The following MCPH1 variants were observed in gnomAD, a reference collection of about 807,000 sequenced individuals.
MCPH1 encodes microcephalin 1, also known as microcephalin.
A neutral mutation model predicts 84.5 loss-of-function variants in MCPH1; 104 were observed. That is an observed-to-expected ratio of 1.23 (90% CI 1.05 to 1.45). The LOEUF (loss-of-function observed/expected upper bound fraction) is 1.45. Ranked by LOEUF, MCPH1 falls within the 40% of genes most tolerant of loss-of-function variation. The pLI is 0.00. For missense variants in MCPH1, 1,498 were observed against 1,005.7 expected (o/e 1.49, Z -6.62); for synonymous variants, 514 against 366.8 (o/e 1.40, Z -4.58).
At chr8:6,565,463 G>A (rs1215238783) in intron 12 of MCPH1, among the ~76,000 whole-genome samples, 1 of 152,042 alleles carries the variant, frequency 6.6e-6, no homozygotes, top group Non-Finnish European at 1.5e-5. Context: ...TCTCACTCTT[G>A]TTGCCCAGGC....
At position 6,447,372 on chromosome 8, in the gene MCPH1, C is replaced by CT. The variant is rs1804553911; in HGVS notation, c.1825+1828dup. 4.1e-6 allele frequency: 4 copies of CT among 985,366 alleles called. No homozygotes were observed. In the South Asian group the frequency reaches 1.9e-4, roughly 46 times the overall value. The allele number at this position is 985,366 out of a possible 1,614,324, so 61.0% of individuals were successfully genotyped here. A position where few individuals can be genotyped will look rare whatever the true frequency, so the allele number is the denominator to read the frequency against. On this transcript the variant is annotated intron_variant, in intron 8 of 13. Coordinates refer to ENST00000344683, the MANE Select transcript of MCPH1 (RefSeq NM_024596.5). Reference sequence around the variant, plus strand: ...TGTACAGCAAACTGTACCTCCAAATCTTTAATGTCGAAATAAAGGGCTTTT... The same window carrying CT: ...TGTACAGCAAACTGTACCTCCAAATCTTTTAATGTCGAAATAAAGGGCTTTT...
At chr8:6,412,539 A>T (rs2129551262) in intron 2 of MCPH1, among the ~76,000 whole-genome samples, 1 of 152,338 alleles carries the variant, frequency 6.6e-6, no homozygotes, top group African/African-American at 2.4e-5. Context: ...ACCAGACTAC[A>T]GGCCTGTGAG....
At chr8:6,536,531 G>A (rs1004067753) in intron 12 of MCPH1, among the ~76,000 whole-genome samples, 5 of 152,194 alleles carry the variant, frequency 3.3e-5, no homozygotes, top group African/African-American at 7.2e-5. Flanking sequence ...CACCAGAAAA[G>A]CCCAGAATTA....
chr8:6,477,680 T>A, intron 10 of MCPH1, 49 bp downstream of exon 10: 1 of 1,502,800 alleles, frequency 6.7e-7, no homozygotes, highest in Non-Finnish European at 9.3e-7. Context: ...TAACCTTTTC[T>A]CTCTTATACT....
At chr8:6,423,453 C>A (rs1800568617) in intron 3 of MCPH1, among the ~76,000 whole-genome samples, 1 of 152,148 alleles carries the variant, frequency 6.6e-6, no homozygotes, top group African/African-American at 2.4e-5. Context: ...GCATGAGCCC[C>A]TGCGCCCGGC....
rs1173262263 is a variant in MCPH1 at position 6,420,654 on chromosome 8, A to C, written c.233+5771A>C. On this transcript the variant is annotated intron_variant, in intron 3 of 13. Transcript: ENST00000344683. ...TTATCTCAAAATCGATCTCTCATAGATCTTTATCTCTGCTGTTACAGTCGA... is the reference window on the plus strand; with the variant it reads ...TTATCTCAAAATCGATCTCTCATAGCTCTTTATCTCTGCTGTTACAGTCGA... Among the ~76,000 whole-genome samples, 3 of 152,156 alleles carry C rather than the reference A, an allele frequency of 2.0e-5. No homozygotes were observed. In the East Asian group the frequency reaches 5.8e-4, roughly 29 times the overall value.
intron 3 of MCPH1, among the ~76,000 whole-genome samples, chr8:6,422,758 G>A (rs1161187219): frequency 5.3e-5 from 8 of 152,066 alleles, no homozygotes; most frequent in South Asian, 2.1e-4. Context: ...GTGCGATCTC[G>A]GCTTACTGCA....
chr8:6,412,424 A>G (rs932470816), intron 2 of MCPH1, among the ~76,000 whole-genome samples: 1 of 152,254 alleles, frequency 6.6e-6, no homozygotes. Flanking sequence ...TTCAAAGAAT[A>G]GTGAATACAG....
chr8:6,476,960 G>A (rs73661773), intron 9 of MCPH1, among the ~76,000 whole-genome samples: 1,765 of 152,082 alleles, frequency 0.012, 37 homozygotes, highest in African/African-American at 0.041. Flanking sequence ...GGAATTACAG[G>A]AAAATTTGTG....
intron 6 of MCPH1, among the ~76,000 whole-genome samples, chr8:6,440,328 G>A (rs1256249309): frequency 1.3e-5 from 2 of 152,068 alleles, no homozygotes; most frequent in Admixed American, 6.5e-5. Flanking sequence ...ACCCCTGCAT[G>A]TGCCTACGTG....
chr8:6,584,423 G>T (rs1827813664), intron 12 of MCPH1, among the ~76,000 whole-genome samples: 1 of 152,188 alleles, frequency 6.6e-6, no homozygotes, highest in Non-Finnish European at 1.5e-5. Flanking sequence ...AGCAGATGGA[G>T]ATTATTGTGA....
At chr8:6,420,846 C>T (rs1214056399) in intron 3 of MCPH1, among the ~76,000 whole-genome samples, 1 of 152,124 alleles carries the variant, frequency 6.6e-6, no homozygotes, top group Non-Finnish European at 1.5e-5. Context: ...TTCTTGCTTC[C>T]TCAAAAGAAA....
At chr8:6,614,821 T>C (rs1830643129) in intron 12 of MCPH1, among the ~76,000 whole-genome samples, 1 of 152,206 alleles carries the variant, frequency 6.6e-6, no homozygotes, top group Non-Finnish European at 1.5e-5. Context: ...GTCACATTAC[T>C]GGATTCCTGG....
intron 12 of MCPH1, among the ~76,000 whole-genome samples, chr8:6,584,059 C>T (rs1021434648): frequency 6.6e-6 from 1 of 152,132 alleles, no homozygotes; most frequent in Admixed American, 6.5e-5. Flanking sequence ...ACAGCACTCT[C>T]TTTGATCACC....
chr8:6,458,785 C>G (rs1805969103), intron 9 of MCPH1, among the ~76,000 whole-genome samples: 1 of 152,066 alleles, frequency 6.6e-6, no homozygotes, highest in Non-Finnish European at 1.5e-5. Context: ...GCTGGAACCA[C>G]AGGCACCCGC....
At position 6,615,200 on chromosome 8, in the gene MCPH1, T is replaced by G. The variant is rs12543564; in HGVS notation, c.2215-6254T>G. ...CAGGTCTCAGGACCTGAGGGGCTCC[T>G]GTGTGCTTTCCGTGAGGAACTGTCT... is the stretch of plus-strand genomic sequence containing the variant. On this transcript the variant is annotated intron_variant, in intron 12 of 13. Transcript: ENST00000344683. Among the ~76,000 whole-genome samples the G allele has an allele frequency of 2.4e-3, 359 of 152,228 alleles. 4 individuals are homozygous for G. Among genetic ancestry groups the G allele is most frequent in the African/African-American group, 8.1e-3 (338 of 41,560 alleles).
chr8:6,436,022 T>C, intron 4 of MCPH1, 26 bp from the exon 5 acceptor site: 1 of 1,612,114 alleles, frequency 6.2e-7, no homozygotes, highest in Non-Finnish European at 8.5e-7. Context: ...CAGTACAGCA[T>C]TAATTTTTGT....
chr8:6,454,167 C>T (rs1415379090), intron 8 of MCPH1, among the ~76,000 whole-genome samples: 3 of 152,162 alleles, frequency 2.0e-5, no homozygotes, highest in East Asian at 1.9e-4. Flanking sequence ...GTTAATTTCA[C>T]GTTGCATTAT....
chr8:6,569,486 C>G (rs892803679), intron 12 of MCPH1, among the ~76,000 whole-genome samples: 3 of 152,138 alleles, frequency 2.0e-5, no homozygotes, highest in African/African-American at 7.2e-5. Flanking sequence ...CAGTTCCAGC[C>G]ATGGGATTTC....
Sources: allele counts gnomAD v4.1 joint callset (sites outside exome capture counted in the v4.1 genomes callset), GRCh38; gene constraint gnomAD v4.1.1; transcripts MANE v1.5; gene names NCBI Gene and HGNC (gene_info 2026-07-23, HGNC 2026-07-21).